ASTN2: variants seen among roughly 807,000 people sequenced by gnomAD.
ASTN2 encodes astrotactin 2, also known as astrotactin-2.
ASTN2 carries 54 observed loss-of-function variants against 139.8 expected under a neutral mutation model. The observed-to-expected ratio is 0.39, with a 90% CI of 0.31 to 0.48. ASTN2 has a LOEUF of 0.48. Ranked by LOEUF, ASTN2 falls within the 20% of genes least tolerant of loss-of-function variation. ASTN2 has a pLI of 0.95. For synonymous variants in ASTN2, 756 were observed against 719.5 expected, an observed-to-expected ratio of 1.05 and a Z score of -0.81; for missense variants, 1,565 against 1,725.1, an observed-to-expected ratio of 0.91 and a Z score of 1.64.
chr9:116,964,447 G>A (rs1371102991), intron 10 of ASTN2, among the ~76,000 whole-genome samples: 2 of 152,124 alleles, frequency 1.3e-5, no homozygotes, highest in African/African-American at 2.4e-5. Flanking sequence ...AGTATGGCCT[G>A]TTTAGGTGAG....
At chr9:117,198,852 T>A (rs1831601883) in intron 3 of ASTN2, among the ~76,000 whole-genome samples, 1 of 152,238 alleles carries the variant, frequency 6.6e-6, no homozygotes, top group Non-Finnish European at 1.5e-5. Context: ...AGATGGTATC[T>A]CATTGTGGTT....
intron 11 of ASTN2, among the ~76,000 whole-genome samples, chr9:116,855,979 C>A (rs1299945137): frequency 2.6e-5 from 4 of 152,020 alleles, no homozygotes; most frequent in Non-Finnish European, 5.9e-5. Flanking sequence ...TATTACTGAT[C>A]AAGGTATTCA....
chr9:116,447,712 AAG>A (rs775317349), intron 20 of ASTN2, among the ~76,000 whole-genome samples: 4 of 152,232 alleles, frequency 2.6e-5, no homozygotes, highest in Non-Finnish European at 5.9e-5. Context: ...GTTAGAATAA[AAG>A]AGAGTGCAGC....
intron 5 of ASTN2, among the ~76,000 whole-genome samples, chr9:117,056,400 C>A (rs560180725): frequency 5.3e-5 from 8 of 152,142 alleles, no homozygotes; most frequent in African/African-American, 1.9e-4. Flanking sequence ...AAAACATTTC[C>A]CACACACATG....
intron 19 of ASTN2, among the ~76,000 whole-genome samples, chr9:116,616,400 C>T (rs965299601): frequency 6.6e-6 from 1 of 152,044 alleles, no homozygotes; most frequent in Non-Finnish European, 1.5e-5. Flanking sequence ...GGTCAAGCAC[C>T]CTAGTGGAAG....
chr9:117,058,425 C>A (rs539918464), intron 5 of ASTN2, among the ~76,000 whole-genome samples: 3 of 152,088 alleles, frequency 2.0e-5, no homozygotes, highest in Non-Finnish European at 4.4e-5. Flanking sequence ...GGATTAAGTC[C>A]TTTGCAGGGA....
At chr9:117,312,549 C>T (rs1828007420) in intron 1 of ASTN2, among the ~76,000 whole-genome samples, 1 of 152,138 alleles carries the variant, frequency 6.6e-6, no homozygotes, top group South Asian at 2.1e-4. Context: ...TTTCCATTTA[C>T]AATACAGATA....
intron 10 of ASTN2, among the ~76,000 whole-genome samples, chr9:116,945,934 G>A (rs920226387): frequency 6.6e-6 from 1 of 152,160 alleles, no homozygotes; most frequent in African/African-American, 2.4e-5. Context: ...AGCATAACTG[G>A]GAGGCCTTAG....
chr9:116,499,926 C>G (rs1849798069), intron 19 of ASTN2, among the ~76,000 whole-genome samples: 1 of 152,104 alleles, frequency 6.6e-6, no homozygotes, highest in African/African-American at 2.4e-5. Flanking sequence ...AAAAAGAATG[C>G]TCATCAAGTT....
At chr9:116,790,958 A>AAGAAG (rs1830517683) in intron 13 of ASTN2, among the ~76,000 whole-genome samples, 2 of 127,540 alleles carry the variant, frequency 1.6e-5, no homozygotes, top group African/African-American at 6.5e-5. Flanking sequence ...AAGAAAGAAA[A>AAGAAG]GAAAGAAGGA....
chr9:117,414,625 G>T lies in ASTN2; in HGVS notation c.314C>A (p.Pro105Gln). Reference protein sequence around the residue: ...GAGAAAAAASPGSPGSAGTAA... With the variant: ...GAGAAAAAASQGSPGSAGTAA... Reference sequence around the variant, plus strand: ...GGTGCCGGCAGAGCCAGGAGAGCCCGGGGACGCGGCGGCGGCGGCGGCTCC... The same window carrying T: ...GGTGCCGGCAGAGCCAGGAGAGCCCTGGGACGCGGCGGCGGCGGCGGCTCC... Residue 105 changes from proline to glutamine, a missense_variant, in exon 1 of 23, where the codon CCG (proline) becomes CAG (glutamine). By Grantham distance (76) the Pro-to-Gln change is moderately conservative. Around this residue, in one of 4 missense-constraint regions of ASTN2, gnomAD observed 596 missense variants for 576.8 expected, o/e 1.03. Coordinates refer to ENST00000313400, the MANE Select transcript of ASTN2 (RefSeq NM_001365068.1). The surrounding 1 kb of genome is among the most constrained non-coding windows in gnomAD (Gnocchi z 4.2). 1 of 1,468,070 alleles carries T rather than the reference G, an allele frequency of 6.8e-7. No individual in the cohort carries two copies. The highest frequency in any genetic ancestry group is 9.0e-7 in the Non-Finnish European group (1 of 1,116,096). The allele number at this position is 1,468,070 out of a possible 1,614,324, so 90.9% of individuals were successfully genotyped here. A position where few individuals can be genotyped will look rare whatever the true frequency, so the allele number is the denominator to read the frequency against.
intron 19 of ASTN2, among the ~76,000 whole-genome samples, chr9:116,489,945 GA>G (rs1315873206): frequency 6.6e-6 from 1 of 152,268 alleles, no homozygotes; most frequent in Non-Finnish European, 1.5e-5. Context: ...ACCTGAGACT[GA>G]GTACTAATTC....
chr9:117,128,074 T>G (rs113606330), intron 4 of ASTN2, among the ~76,000 whole-genome samples: 8,974 of 152,120 alleles, frequency 0.059, 511 homozygotes, highest in African/African-American at 0.15. Context: ...GTGAAAGCTG[T>G]CTTCTTGCAC....
At chr9:116,871,236 C>A (rs971739787) in intron 10 of ASTN2, among the ~76,000 whole-genome samples, 4 of 151,890 alleles carry the variant, frequency 2.6e-5, no homozygotes, top group Admixed American at 6.6e-5. Context: ...GCAGCCTGGG[C>A]AACAAAGCGA....
At chr9:117,158,484 C>A (rs764259735) in intron 3 of ASTN2, among the ~76,000 whole-genome samples, 1 of 152,048 alleles carries the variant, frequency 6.6e-6, no homozygotes, top group African/African-American at 2.4e-5. Flanking sequence ...CAATTACAGA[C>A]GGATGACTTG....
chr9:116,731,589 AT>A (rs1234836437), intron 14 of ASTN2, among the ~76,000 whole-genome samples: 4 of 151,926 alleles, frequency 2.6e-5, no homozygotes, highest in Admixed American at 6.6e-5. Flanking sequence ...CCCCTGGCTA[AT>A]TTTTTGTATC....
At chr9:117,107,980 G>A (rs944979) in intron 4 of ASTN2, among the ~76,000 whole-genome samples, 3,761 of 152,208 alleles carry the variant, frequency 0.025, 186 homozygotes, top group East Asian at 0.18. Context: ...AACCTGAAAA[G>A]GAGCAGGAGG....
intron 12 of ASTN2, 145 bp downstream of exon 12, chr9:116,820,472 C>T: frequency 1.8e-6 from 2 of 1,084,036 alleles, no homozygotes; most frequent in Non-Finnish European, 2.6e-6. Context: ...TGGCTTTTGG[C>T]TCTTGGACTA....
intron 1 of ASTN2, among the ~76,000 whole-genome samples, chr9:117,311,000 A>G (rs1045738921): frequency 1.3e-5 from 2 of 152,106 alleles, no homozygotes; most frequent in African/African-American, 2.4e-5. Context: ...TTGATCAATT[A>G]TATGCCCTTC....
Sources: allele counts gnomAD v4.1 joint callset (sites outside exome capture counted in the v4.1 genomes callset), GRCh38; gene constraint gnomAD v4.1.1; regional missense constraint gnomAD v4.1.1; non-coding constraint Gnocchi (gnomAD v3.1); transcripts MANE v1.5; gene names NCBI Gene and HGNC (gene_info 2026-07-23, HGNC 2026-07-21).